The following TMEM67 variants were observed in gnomAD, a reference collection of about 807,000 sequenced individuals.
TMEM67 encodes meckelin.
In TMEM67, 124 loss-of-function variants were observed where a neutral mutation model predicts 136.6. That is an observed-to-expected ratio of 0.91 (90% CI 0.78 to 1.05). TMEM67 has a LOEUF of 1.05. Ranked by LOEUF, TMEM67 falls within the 50% of genes least tolerant of loss-of-function variation. The pLI is 0.00. For synonymous variants in TMEM67, 364 were observed against 390.5 expected, an observed-to-expected ratio of 0.93 and a Z score of 0.80; for missense variants, 1,107 against 1,178.4, an observed-to-expected ratio of 0.94 and a Z score of 0.89.
At chr8:93,791,766 T>C (rs1814385666) in intron 15 of TMEM67, 1 of 153,538 alleles carries the variant, frequency 6.5e-6, no homozygotes, top group Non-Finnish European at 1.4e-5. Flanking sequence ...GCCACCAAAG[T>C]GATGCTATAA....
chr8:93,794,629 G>A (rs3134030), intron 16 of TMEM67, among the ~76,000 whole-genome samples: 99,389 of 152,118 alleles, frequency 0.65, 33,106 homozygotes, highest in East Asian at 0.83. Context: ...AAAGCCAGTG[G>A]GCTAAGGAAT....
intron 21 of TMEM67, 106 bp downstream of exon 21, chr8:93,799,864 G>A: frequency 1.1e-6 from 1 of 916,682 alleles, no homozygotes; most frequent in Non-Finnish European, 1.7e-6. Flanking sequence ...TCTTTCTGTA[G>A]CAGAAAGAAG....
chr8:93,828,137 C>T, the TMEM67 span, among the ~76,000 whole-genome samples: 5 of 152,136 alleles, frequency 3.3e-5, no homozygotes, highest in Admixed American at 3.3e-4. Context: ...GTCTCTATTC[C>T]ATGCAGCTTA....
At chr8:93,785,485 C>T in intron 12 of TMEM67, 107 bp downstream of exon 12, 1 of 1,181,530 alleles carries the variant, frequency 8.5e-7, no homozygotes, top group Non-Finnish European at 1.2e-6. Context: ...GTCATGAATT[C>T]TCTCTTATGT....
intron 18 of TMEM67, 105 bp downstream of exon 18, chr8:93,796,092 T>C: frequency 1.2e-6 from 1 of 823,878 alleles, no homozygotes. Context: ...AAATTCACTT[T>C]GGTTTTGAAA....
intron 23 of TMEM67, among the ~76,000 whole-genome samples, chr8:93,808,510 A>AGATC (rs1808547922): frequency 2.3e-4 from 3 of 13,166 alleles, no homozygotes; most frequent in African/African-American, 6.5e-4. Context: ...ATAGATGAAT[A>AGATC]TATATATTTA....
downstream of TMEM67, among the ~76,000 whole-genome samples, chr8:93,822,543 C>T (rs1490485216): frequency 6.6e-6 from 1 of 152,134 alleles, no homozygotes; most frequent in African/African-American, 2.4e-5. Context: ...AGGCTGGGGC[C>T]CTTCTGACTG....
rs1808597404 is a variant in TMEM67 at position 93,809,282 on chromosome 8, G to T, written c.2661+121G>T. ...AGTAAACTTAGAACCCCCACCTTAAGACCTTCCCTTTTTTTGTCTGTCACA... is the reference window on the plus strand; with the variant it reads ...AGTAAACTTAGAACCCCCACCTTAATACCTTCCCTTTTTTTGTCTGTCACA... On this transcript the variant is annotated intron_variant, in intron 25 of 27. Transcript: ENST00000453321. 3 of 700,242 alleles carry T rather than the reference G, an allele frequency of 4.3e-6. No homozygotes were observed. The Admixed American group carries it at 6.3e-5, about 15-fold the overall frequency. 43.4% of individuals were successfully genotyped at this position (700,242 alleles called of 1,614,324 possible).
intron 20 of TMEM67, among the ~76,000 whole-genome samples, chr8:93,798,942 A>AGTGTGTGTGTGTGTGT (rs35511670): frequency 7.0e-6 from 1 of 143,398 alleles, no homozygotes; most frequent in African/African-American, 2.6e-5. Context: ...GTACTAAAGT[A>AGTGTGTGTGTGTGTGT]GTGTGTGTGT....
At chr8:93,799,584 C>G in intron 20 of TMEM67, 34 bp from the exon 21 acceptor site, 1 of 1,606,904 alleles carries the variant, frequency 6.2e-7, no homozygotes, top group Non-Finnish European at 8.5e-7. Context: ...TTATCCATGT[C>G]CGTTTAAATT....
chr8:93,802,685 C>T (rs1256290898), intron 21 of TMEM67, among the ~76,000 whole-genome samples: 2 of 152,214 alleles, frequency 1.3e-5, no homozygotes, highest in African/African-American at 4.8e-5. Context: ...CCAGCCTCTT[C>T]AGCTTTTAAG....
chr8:93,765,318 C>G, intron 4 of TMEM67, 88 bp from the exon 5 acceptor site: 1 of 1,025,878 alleles, frequency 9.7e-7, no homozygotes, highest in Non-Finnish European at 1.5e-6. Context: ...TGAATCTACT[C>G]TAATCCATTG....
intron 21 of TMEM67, among the ~76,000 whole-genome samples, chr8:93,800,027 C>A (rs1320557026): frequency 6.6e-6 from 1 of 151,586 alleles, no homozygotes; most frequent in East Asian, 1.9e-4. Flanking sequence ...CCCACCTCAA[C>A]CTCCTGAGTA....
At chr8:93,819,686 A>C (rs896159009), downstream of TMEM67, among the ~76,000 whole-genome samples, 1 of 152,200 alleles carries the variant, frequency 6.6e-6, no homozygotes, top group African/African-American at 2.4e-5. Context: ...ACAAAAAAAA[A>C]CAAGTGCAAC....
chr8:93,770,325 A>C (rs1278150156), intron 6 of TMEM67, among the ~76,000 whole-genome samples: 1 of 152,148 alleles, frequency 6.6e-6, no homozygotes, highest in Non-Finnish European at 1.5e-5. Flanking sequence ...TTTAGGGTGG[A>C]TCTCCAAAGA....
In TMEM67 at chr8:93,795,909, G is replaced by A. The variant is rs1814592982; in HGVS notation, c.1782G>A (p.Lys594=). 1 of 1,598,076 alleles carries A rather than the reference G, an allele frequency of 6.3e-7. No individual in the cohort carries two copies. The highest frequency in any genetic ancestry group is 1.7e-5 in the Admixed American group (1 of 59,946). Residue 594 remains lysine, a synonymous_variant, in exon 18 of 28, where the codon AAG becomes AAA. Coordinates refer to ENST00000453321, the MANE Select transcript of TMEM67 (RefSeq NM_153704.6). ...AGTAATTTTTATTATAGGCACAGAA[G>A]TCTGTGTCTGTTTTGCTGCCAATGC... ...LYWLIFFKAQ[K]SVSVLLPMPI...
chr8:93,790,809 TCA>T (rs1288929075), intron 14 of TMEM67, among the ~76,000 whole-genome samples: 2 of 152,212 alleles, frequency 1.3e-5, no homozygotes, highest in Non-Finnish European at 2.9e-5. Flanking sequence ...CTCCTACCCC[TCA>T]CAGTCCTCTT....
At chr8:93,782,361 T>C in intron 10 of TMEM67, 34 bp from the exon 11 acceptor site, 3 of 1,545,826 alleles carry the variant, frequency 1.9e-6, no homozygotes, top group Non-Finnish European at 2.7e-6. Flanking sequence ...AGAAAACATT[T>C]GTGAGATTTA....
chr8:93,762,258 A>C (rs1357617625), intron 3 of TMEM67, among the ~76,000 whole-genome samples: 2 of 152,194 alleles, frequency 1.3e-5, no homozygotes, highest in Non-Finnish European at 2.9e-5. Context: ...CTCTCAAAAA[A>C]TAAAATAAAA....
Sources: gnomAD v4.1 joint callset for allele counts (sites outside exome capture counted in the v4.1 genomes callset) on GRCh38, gnomAD v4.1.1 for gene constraint, MANE v1.5 for transcripts, NCBI Gene and HGNC (gene_info 2026-07-23, HGNC 2026-07-21) for gene names.